Variants in PXYLP1 observed in about 807,000 individuals in gnomAD.
PXYLP1 encodes the protein acid phosphatase-like 2.
Under a neutral mutation model 37.9 loss-of-function variants are expected in PXYLP1, and 17 were observed. That is an observed-to-expected ratio of 0.45 (90% CI 0.31 to 0.67). The LOEUF (loss-of-function observed/expected upper bound fraction) is 0.67. PXYLP1 is among the 30% of genes least tolerant of loss of function. The pLI, the probability that PXYLP1 is intolerant of heterozygous loss-of-function variation, is 0.07. For missense variants in PXYLP1, 511 were observed against 612.0 expected (o/e 0.84, Z 1.74); for synonymous variants, 221 against 232.2 (o/e 0.95, Z 0.44).
At chr3:141,232,580 G>T (rs540720259) in intron 1 of PXYLP1, 1 of 152,504 alleles carries the variant, frequency 6.6e-6, no homozygotes, top group Admixed American at 6.5e-5. Flanking sequence ...GGATGCGCAG[G>T]TTAGGACCGT....
intron 4 of PXYLP1, among the ~76,000 whole-genome samples, chr3:141,287,003 C>T (rs902687829): frequency 3.3e-5 from 5 of 152,138 alleles, no homozygotes; most frequent in East Asian, 1.9e-4. Context: ...TGGGTGTTGG[C>T]GGCCTCCCGG....
At chr3:141,273,157 C>T (rs1304018907) in intron 2 of PXYLP1, 3 of 985,284 alleles carry the variant, frequency 3.0e-6, no homozygotes, top group African/African-American at 3.5e-5. Context: ...TGACTGTCCC[C>T]CGCAACTGGA....
chr3:141,235,238 G>A (rs1940630515), intron 1 of PXYLP1: 4 of 152,252 alleles, frequency 2.6e-5, no homozygotes, highest in Admixed American at 2.6e-4. Context: ...TTTTGAGAAG[G>A]CCTTGAAAGC....
intron 2 of PXYLP1, among the ~76,000 whole-genome samples, chr3:141,268,901 C>A (rs939248983): frequency 6.6e-6 from 1 of 152,228 alleles, no homozygotes; most frequent in African/African-American, 2.4e-5. Flanking sequence ...GGAGCTTCAG[C>A]ATCACATCTT....
intron 4 of PXYLP1, among the ~76,000 whole-genome samples, chr3:141,285,144 C>CTTTTTTTTTTTTT (rs147495598): frequency 2.3e-4 from 18 of 78,758 alleles, no homozygotes; most frequent in East Asian, 3.5e-4. Context: ...TTTTCTTTTT[C>CTTTTTTTTTTTTT]TTTTTTTTTT....
intron 1 of PXYLP1, among the ~76,000 whole-genome samples, chr3:141,249,470 C>CTTTT (rs564313232): frequency 2.4e-4 from 22 of 93,136 alleles, no homozygotes; most frequent in African/African-American, 4.6e-4. Flanking sequence ...ACTTTGGAAG[C>CTTTT]TTTTTTTTTT....
In PXYLP1 at chr3:141,292,302, G is replaced by C; in HGVS notation, c.540G>C (p.Leu180=). ...AGCATTTGCAGAACGGTCAGCTGCT[G>C]AGGGATATCTATCTAAAGAAACACA... ...VVQHLQNGQL[L]RDIYLKKHKL... The change falls in exon 6 of 6, where the codon CTG becomes CTC. Residue 180 remains leucine, a synonymous_variant. Transcript: ENST00000286353. This position sits in a 1 kb window ranked among gnomAD's most constrained non-coding sequence, Gnocchi z 4.3. 6.2e-7 allele frequency: 1 copy of C among 1,609,246 alleles called. No individual in the cohort carries two copies. Among genetic ancestry groups the C allele is most frequent in the Non-Finnish European group, 8.5e-7 (1 of 1,177,524 alleles).
At chr3:141,234,549 G>A (rs1223309158) in intron 1 of PXYLP1, among the ~76,000 whole-genome samples, 2 of 152,162 alleles carry the variant, frequency 1.3e-5, no homozygotes, top group South Asian at 2.1e-4. Flanking sequence ...TTCCTGTGGC[G>A]AGCTGGGAGT....
intron 2 of PXYLP1, among the ~76,000 whole-genome samples, chr3:141,266,313 C>T (rs1201843832): frequency 1.4e-4 from 21 of 152,212 alleles, no homozygotes; most frequent in Admixed American, 3.3e-4. Flanking sequence ...CGGAGCATTA[C>T]GGGGACCGCT....
chr3:141,294,617 T>TA lies in PXYLP1; in HGVS notation c.*1415dup, dbSNP rs1191694596. On this transcript the variant is annotated 3_prime_UTR_variant, in exon 6 of 6. Coordinates refer to ENST00000286353, the MANE Select transcript of PXYLP1 (RefSeq NM_001037172.3). ...ATTTGAATATGTCTGTTTCTATAAA[T>TA]AAATTTTTTAAGAATACCTATACTA... is the stretch of plus-strand genomic sequence containing the variant. 2 of 152,230 alleles carry TA rather than the reference T, an allele frequency of 1.3e-5. No homozygotes were observed. Among genetic ancestry groups the TA allele is most frequent in the Non-Finnish European group, 2.9e-5 (2 of 68,026 alleles). 9.4% of individuals were successfully genotyped at this position (152,230 alleles called of 1,614,324 possible). A position where few individuals can be genotyped will look rare whatever the true frequency, so the allele number is the denominator to read the frequency against.
At chr3:141,279,239 C>A in intron 3 of PXYLP1, 139 bp from the exon 4 acceptor site, 1 of 1,007,318 alleles carries the variant, frequency 9.9e-7, no homozygotes, top group Non-Finnish European at 1.5e-6. Flanking sequence ...ACTGTGGTGG[C>A]TCTGCAAACC....
intron 2 of PXYLP1, among the ~76,000 whole-genome samples, chr3:141,269,822 G>T (rs1458043365): frequency 6.6e-6 from 1 of 152,218 alleles, no homozygotes; most frequent in Admixed American, 6.5e-5. Flanking sequence ...GTGATTTGGA[G>T]TCTGGTGTTG....
Position 141,285,146 on chromosome 3 carries a change from T to TTTC in PXYLP1, c.366-2166_366-2165insCTT, listed in dbSNP as rs1553754971. On this transcript the variant is annotated intron_variant, in intron 4 of 5. Coordinates refer to ENST00000286353, the MANE Select transcript of PXYLP1 (RefSeq NM_001037172.3). Reference sequence around the variant, plus strand: ...ATGTTTTTTTTCTTTTTCTTTTTCTTTTTTTTTTTTTTTTTTTTGAGACAG... The same window carrying TTTC: ...ATGTTTTTTTTCTTTTTCTTTTTCTTTTCTTTTTTTTTTTTTTTTTTGAGACAG... 7.4e-3 allele frequency among the ~76,000 whole-genome samples: 296 copies of TTTC among 39,758 alleles called. 9 individuals are homozygous for TTTC. The highest frequency in any genetic ancestry group is 0.015 in the Middle Eastern group (1 of 68). 26.1% of individuals were successfully genotyped at this position (39,758 alleles called of 152,430 possible). A position where few individuals can be genotyped will look rare whatever the true frequency, so the allele number is the denominator to read the frequency against.
intron 4 of PXYLP1, 133 bp from the exon 5 acceptor site, chr3:141,287,181 G>C: frequency 1.1e-6 from 1 of 902,860 alleles, no homozygotes; most frequent in Non-Finnish European, 1.7e-6. Context: ...GAACTGAAAA[G>C]TGATTGAGCC....
intron 2 of PXYLP1, chr3:141,267,297 A>G (rs1941542088): frequency 6.6e-6 from 1 of 152,210 alleles, no homozygotes; most frequent in African/African-American, 2.4e-5. Flanking sequence ...TGGGGATGCA[A>G]GCCCTTAGAA....
intron 4 of PXYLP1, among the ~76,000 whole-genome samples, chr3:141,286,988 C>A (rs1193228295): frequency 6.6e-6 from 1 of 152,160 alleles, no homozygotes; most frequent in African/African-American, 2.4e-5. Context: ...GGCGTGACTG[C>A]TGGGTGGGTG....
chr3:141,245,045 C>CTTTTTTTTT, intron 1 of PXYLP1, among the ~76,000 whole-genome samples: 1 of 106,164 alleles, frequency 9.4e-6, no homozygotes, highest in Non-Finnish European at 1.8e-5. Context: ...CACTAACTCC[C>CTTTTTTTTT]TTTTTTTTTT....
intron 1 of PXYLP1, among the ~76,000 whole-genome samples, chr3:141,242,132 T>TA (rs772449916): frequency 6.6e-6 from 1 of 152,214 alleles, no homozygotes; most frequent in Non-Finnish European, 1.5e-5. Flanking sequence ...CCCTTGGACT[T>TA]ATACCAATGC....
intron 2 of PXYLP1, chr3:141,274,089 G>A: frequency 1.0e-6 from 1 of 992,538 alleles, no homozygotes; most frequent in Non-Finnish European, 1.2e-6. Context: ...CCACAGGACA[G>A]CTAGAGGCAC....
Sources: allele counts gnomAD v4.1 joint callset (sites outside exome capture counted in the v4.1 genomes callset), GRCh38; gene constraint gnomAD v4.1.1; non-coding constraint Gnocchi (gnomAD v3.1); transcripts MANE v1.5; gene names NCBI Gene and HGNC (gene_info 2026-07-23, HGNC 2026-07-21).